TSPAN11: variants seen among roughly 807,000 people sequenced by gnomAD.
TSPAN11 encodes tetraspanin-11.
TSPAN11 carries 29 observed loss-of-function variants against 32.9 expected under a neutral mutation model. The ratio of observed to expected loss-of-function variants is 0.88; its 90% CI spans 0.66 to 1.20. The LOEUF (loss-of-function observed/expected upper bound fraction) is 1.20. Ranked by LOEUF, TSPAN11 falls within the 50% of genes most tolerant of loss-of-function variation. TSPAN11 has a pLI of 0.00. For synonymous variants in TSPAN11, 140 were observed against 141.3 expected, an observed-to-expected ratio of 0.99 and a Z score of 0.07; for missense variants, 283 against 329.1, an observed-to-expected ratio of 0.86 and a Z score of 1.08.
At chr12:31,005,764 C>A in the TSPAN11 span, 1 of 167,062 alleles carries the variant, frequency 6.0e-6, no homozygotes, top group South Asian at 1.6e-4. Context: ...TGGGGACACT[C>A]CGGCCAGCCC....
At chr12:31,015,076 A>G in the TSPAN11 span, among the ~76,000 whole-genome samples, 2 of 152,226 alleles carry the variant, frequency 1.3e-5, no homozygotes, top group Admixed American at 6.5e-5. The surrounding 1 kb of genome is among the most constrained non-coding windows in gnomAD (Gnocchi z 4.9). Flanking sequence ...AATGCATTAC[A>G]TAAACGCATA....
chr12:31,008,111 C>CTTT, the TSPAN11 span, among the ~76,000 whole-genome samples: 1 of 145,432 alleles, frequency 6.9e-6, no homozygotes, highest in African/African-American at 2.5e-5. Flanking sequence ...TTTCTTTTTT[C>CTTT]TTTTTTTTTT....
chr12:30,976,415 T>A (rs1174241133), intron 3 of TSPAN11, among the ~76,000 whole-genome samples: 1 of 152,182 alleles, frequency 6.6e-6, no homozygotes, highest in Non-Finnish European at 1.5e-5. Flanking sequence ...AGAGCCAGCA[T>A]GTGGTGGAGC....
At chr12:30,929,695 G>C (rs1937877605) in intron 1 of TSPAN11, among the ~76,000 whole-genome samples, 1 of 152,202 alleles carries the variant, frequency 6.6e-6, no homozygotes, top group Non-Finnish European at 1.5e-5. Flanking sequence ...TCTGGTCTCT[G>C]AGTGATTACT....
chr12:30,929,856 G>A (rs1937881742), intron 1 of TSPAN11, among the ~76,000 whole-genome samples: 1 of 152,210 alleles, frequency 6.6e-6, no homozygotes, highest in Non-Finnish European at 1.5e-5. Context: ...AAATATACTT[G>A]GAAGTGGCAG....
chr12:31,010,639 A>T, the TSPAN11 span, among the ~76,000 whole-genome samples: 6 of 152,142 alleles, frequency 3.9e-5, no homozygotes, highest in East Asian at 1.2e-3. Context: ...AAAGAAAAAA[A>T]TTTTTAATTT....
intron 7 of TSPAN11, among the ~76,000 whole-genome samples, chr12:30,985,655 C>G (rs1253556070): frequency 1.3e-5 from 2 of 152,188 alleles, no homozygotes; most frequent in Non-Finnish European, 2.9e-5. Flanking sequence ...GGACACAGAC[C>G]AGGCCTGGGC....
intron 1 of TSPAN11, among the ~76,000 whole-genome samples, chr12:30,933,604 C>T (rs1462813995): frequency 1.3e-5 from 2 of 152,286 alleles, no homozygotes; most frequent in African/African-American, 4.8e-5. Context: ...CATGGGTGTC[C>T]TCTGCAGCAT....
intron 3 of TSPAN11, among the ~76,000 whole-genome samples, chr12:30,967,070 C>T (rs1020984337): frequency 6.6e-5 from 10 of 152,294 alleles, no homozygotes; most frequent in South Asian, 2.1e-4. Context: ...ATCATAGGAG[C>T]GCTTCCCCTT....
chr12:30,964,102 CTGGAGT>C, intron 3 of TSPAN11, 85 bp downstream of exon 3: 2 of 1,507,138 alleles, frequency 1.3e-6, no homozygotes. Context: ...GGCCCCAGCC[CTGGAGT>C]GGGAGGGGCT....
intron 1 of TSPAN11, among the ~76,000 whole-genome samples, chr12:30,931,389 G>A (rs1937920346): frequency 2.0e-5 from 3 of 152,154 alleles, no homozygotes; most frequent in African/African-American, 7.2e-5. Context: ...GTTTGTCTGA[G>A]GTCTGGCACA....
intron 7 of TSPAN11, among the ~76,000 whole-genome samples, chr12:30,985,089 C>G (rs532298060): frequency 8.5e-5 from 13 of 152,214 alleles, no homozygotes; most frequent in Admixed American, 8.5e-4. Flanking sequence ...CTACCCACAT[C>G]ATCTGTGGGC....
chr12:30,938,233 T>C (rs1417928580), intron 1 of TSPAN11, among the ~76,000 whole-genome samples: 1 of 152,204 alleles, frequency 6.6e-6, no homozygotes, highest in East Asian at 1.9e-4. Context: ...TCACTAAGGC[T>C]TGTCTGTTTA....
chr12:30,986,959 A>G (rs1939212217), intron 7 of TSPAN11: 1 of 152,232 alleles, frequency 6.6e-6, no homozygotes, highest in South Asian at 2.1e-4. Flanking sequence ...AAGACCCAGG[A>G]AGCATGCTAA....
chr12:30,943,376 T>C (rs1938205712), intron 1 of TSPAN11, among the ~76,000 whole-genome samples: 1 of 152,252 alleles, frequency 6.6e-6, no homozygotes, highest in East Asian at 1.9e-4. Flanking sequence ...GTGCCTCAGT[T>C]TTCTCCTCTA....
intron 1 of TSPAN11, among the ~76,000 whole-genome samples, chr12:30,944,570 C>A (rs1938229340): frequency 6.8e-6 from 1 of 147,274 alleles, no homozygotes; most frequent in Admixed American, 6.6e-5. Flanking sequence ...GAGATATCTG[C>A]ACTCCCATGT....
intron 3 of TSPAN11, 128 bp downstream of exon 3, chr12:30,964,145 G>T: frequency 8.3e-7 from 1 of 1,203,410 alleles, no homozygotes; most frequent in Admixed American, 2.4e-5. Context: ...CCGAGAAGGG[G>T]TGGCTGCTCC....
intron 2 of TSPAN11, among the ~76,000 whole-genome samples, chr12:30,958,974 A>T (rs1244661477): frequency 6.6e-6 from 1 of 152,116 alleles, no homozygotes; most frequent in Admixed American, 6.5e-5. Context: ...GAAAAAGCCT[A>T]TTCCTCTCTG....
At chr12:30,974,545 G>A (rs1399349318) in intron 3 of TSPAN11, among the ~76,000 whole-genome samples, 1 of 152,262 alleles carries the variant, frequency 6.6e-6, no homozygotes, top group African/African-American at 2.4e-5. Flanking sequence ...GCTCCAGCCA[G>A]TTTCTGCTGT....
Sources: gnomAD v4.1 joint callset for allele counts (sites outside exome capture counted in the v4.1 genomes callset) on GRCh38, gnomAD v4.1.1 for gene constraint, Gnocchi (gnomAD v3.1) non-coding constraint, MANE v1.5 for transcripts, NCBI Gene and HGNC (gene_info 2026-07-23, HGNC 2026-07-21) for gene names.